Variants in COL17A1 observed in about 807,000 individuals in gnomAD.
COL17A1 encodes the protein collagen type XVII alpha 1 chain.
A neutral mutation model predicts 218.4 loss-of-function variants in COL17A1; 181 were observed. The ratio of observed to expected loss-of-function variants is 0.83; its 90% CI spans 0.73 to 0.94. The LOEUF (loss-of-function observed/expected upper bound fraction) is 0.94, where lower values mean the gene tolerates loss of function less well. Ranked by LOEUF, COL17A1 falls within the 40% of genes least tolerant of loss-of-function variation. The pLI, the probability that COL17A1 is intolerant of heterozygous loss-of-function variation, is 0.00. For synonymous variants in COL17A1, 721 were observed against 731.0 expected (o/e 0.99, Z 0.22); for missense variants, 1,924 against 1,945.9 (o/e 0.99, Z 0.21).
At chr10:104,038,070 G>A (rs1044218041) in intron 45 of COL17A1, among the ~76,000 whole-genome samples, 3 of 152,238 alleles carry the variant, frequency 2.0e-5, no homozygotes, top group African/African-American at 7.2e-5. Context: ...GAAAGCATGT[G>A]CGTGTAGGGG....
At chr10:104,057,791 AG>A (rs1564680239) in intron 16 of COL17A1, among the ~76,000 whole-genome samples, 1 of 152,102 alleles carries the variant, frequency 6.6e-6, no homozygotes, top group Non-Finnish European at 1.5e-5. Context: ...GGAAAGGCTA[AG>A]GGGCTGGAGG....
intron 38 of COL17A1, 90 bp from the exon 39 acceptor site, chr10:104,041,208 T>C: frequency 6.2e-7 from 1 of 1,608,522 alleles, no homozygotes; most frequent in Non-Finnish European, 8.5e-7. Context: ...AGCTCTTTCC[T>C]ATAAGCCAGC....
In COL17A1 at chr10:104,064,880, C is replaced by T. The variant is rs181835787; in HGVS notation, c.608-284G>A. The stretch of plus-strand genomic sequence containing the variant: ...CAATTTCTCCTTCTAAACCTGGCTC[C>T]CCATCTCCTGGTGGGCTGTCCCACC... On this transcript the variant is annotated intron_variant, in intron 9 of 55. Coordinates refer to ENST00000648076, the MANE Select transcript of COL17A1 (RefSeq NM_000494.4). Among the ~76,000 whole-genome samples, 187 of 152,302 alleles carry T rather than the reference C, an allele frequency of 1.2e-3. 1 individual carries two copies. The highest frequency in any genetic ancestry group is 4.4e-3 in the African/African-American group (182 of 41,566).
At chr10:104,047,501 C>T (rs527778025) in intron 31 of COL17A1, among the ~76,000 whole-genome samples, 47 of 152,306 alleles carry the variant, frequency 3.1e-4, no homozygotes, top group South Asian at 1.0e-3. Flanking sequence ...AGCCACTGCA[C>T]GCAAAACAAC....
chr10:104,063,142 T>C (rs925587074), intron 11 of COL17A1, among the ~76,000 whole-genome samples: 6 of 152,252 alleles, frequency 3.9e-5, no homozygotes, highest in Non-Finnish European at 8.8e-5. Context: ...CACATCATTA[T>C]GTTTATTAGT....
chr10:104,059,543 T>G, intron 15 of COL17A1, 95 bp downstream of exon 15: 1 of 1,148,440 alleles, frequency 8.7e-7, no homozygotes, highest in Non-Finnish European at 1.3e-6. Context: ...TGCTGGCCCG[T>G]GGACCACACT....
intron 35 of COL17A1, among the ~76,000 whole-genome samples, chr10:104,042,656 A>C (rs1314510015): frequency 6.6e-6 from 1 of 152,218 alleles, no homozygotes; most frequent in Non-Finnish European, 1.5e-5. Flanking sequence ...ACCCCGGGGC[A>C]GGCGGGACTG....
At chr10:104,046,868 T>C in intron 31 of COL17A1, 95 bp from the exon 32 acceptor site, 1 of 1,158,726 alleles carries the variant, frequency 8.6e-7, no homozygotes, top group Non-Finnish European at 1.3e-6. Context: ...GACACTGCAG[T>C]GGAGGGGTCA....
intron 35 of COL17A1, 33 bp from the exon 36 acceptor site, chr10:104,042,488 T>C: frequency 6.2e-7 from 1 of 1,611,972 alleles, no homozygotes; most frequent in Non-Finnish European, 8.5e-7. Flanking sequence ...AAAGGCTAAA[T>C]CATGCATGTA....
rs147779434 is a variant in COL17A1 at position 104,077,541 on chromosome 10, A to G, written c.98-15T>C. The stretch of plus-strand genomic sequence containing the variant: ...GGTCCCGCCTTCTGCCAGGAACAAA[A>G]GCAGGTGATAATTTCAGGGTGGAGT... On this transcript the variant is annotated splice_polypyrimidine_tract_variant and intron_variant, in intron 3 of 55. Coordinates refer to ENST00000648076, the MANE Select transcript of COL17A1 (RefSeq NM_000494.4). 559 of 1,600,926 alleles carry G rather than the reference A, an allele frequency of 3.5e-4. No homozygotes were observed. The African/African-American group carries it at 6.7e-3, about 19-fold the overall frequency.
intron 44 of COL17A1, 70 bp downstream of exon 44, chr10:104,039,001 C>G (rs2086330747): frequency 6.8e-7 from 1 of 1,464,422 alleles, no homozygotes. Context: ...AATAGAGCAA[C>G]ATCCTCACTG....
intron 25 of COL17A1, 86 bp from the exon 26 acceptor site, chr10:104,050,987 C>T (rs2086464116): frequency 6.3e-7 from 1 of 1,593,766 alleles, no homozygotes; most frequent in South Asian, 1.1e-5. Flanking sequence ...TGCACACATA[C>T]AGGCACACAT....
At chr10:104,072,226 G>A (rs1333903875) in intron 7 of COL17A1, 147 bp from the exon 8 acceptor site, 2 of 1,253,132 alleles carry the variant, frequency 1.6e-6, no homozygotes, top group Admixed American at 4.1e-5. Context: ...TGCCCAAGAA[G>A]AGTGCTGCTT....
chr10:104,033,308 C>G lies in COL17A1; in HGVS notation c.4224G>C (p.Gly1408=), dbSNP rs1307207914. 2 of 1,605,654 alleles carry G rather than the reference C, an allele frequency of 1.2e-6. No individual in the cohort carries two copies. Among genetic ancestry groups the G allele is most frequent in the South Asian group, 2.2e-5 (2 of 89,158 alleles). ...AGAAGACCTTGCTGATGCCGGGTGG[C>G]CCCTGTGGCCCAGGCTGGCCTGGTG... ...QGPPGQPGPQ[G]PPGISKVFSA... Residue 1408 remains glycine, a synonymous_variant, in exon 53 of 56, where the codon GGG becomes GGC. Coordinates refer to ENST00000648076, the MANE Select transcript of COL17A1 (RefSeq NM_000494.4).
chr10:104,043,910 T>G, intron 33 of COL17A1, 50 bp from the exon 34 acceptor site: 2 of 1,605,418 alleles, frequency 1.2e-6, no homozygotes, highest in Non-Finnish European at 1.7e-6. Context: ...GATCAATTAG[T>G]GGCTCAATAA....
chr10:104,048,005 G>A, intron 30 of COL17A1, 64 bp downstream of exon 30: 1 of 1,588,466 alleles, frequency 6.3e-7, no homozygotes, highest in Non-Finnish European at 8.6e-7. Context: ...GGGGACTGAG[G>A]GCTGCATGCT....
rs772842632 is a variant in COL17A1 at position 104,035,333 on chromosome 10, C to T, written c.3549G>A (p.Pro1183=). The T allele has an allele frequency of 1.2e-5, 19 of 1,614,186 alleles. 1 individual carries two copies. The highest frequency in any genetic ancestry group is 1.1e-4 in the East Asian group (5 of 44,884). ...CATTGCCTGGGATCCCTGGTGGACC[C>T]GGGGGACCTGGGGGTCCAACGATGC... ...FRGIVGPPGP[P]GPPGIPGNVW... The change falls in exon 50 of 56, where the codon CCG becomes CCA. Residue 1183 remains proline, a synonymous_variant. Transcript: ENST00000648076.
intron 52 of COL17A1, 132 bp from the exon 53 acceptor site, chr10:104,033,507 C>T: frequency 9.4e-7 from 1 of 1,062,916 alleles, no homozygotes; most frequent in Non-Finnish European, 1.4e-6. Context: ...AGGGTGAAGC[C>T]CTCCAACTTC....
At chr10:104,082,584 A>C (rs1179009577) in intron 1 of COL17A1, among the ~76,000 whole-genome samples, 1 of 152,216 alleles carries the variant, frequency 6.6e-6, no homozygotes, top group Non-Finnish European at 1.5e-5. Context: ...CAATCCACGG[A>C]AACTTTTACT....
Sources: gnomAD v4.1 joint callset for allele counts (sites outside exome capture counted in the v4.1 genomes callset) on GRCh38, gnomAD v4.1.1 for gene constraint, MANE v1.5 for transcripts, NCBI Gene and HGNC (gene_info 2026-07-23, HGNC 2026-07-21) for gene names.